LRP3: variants seen among roughly 807,000 people sequenced by gnomAD.
LRP3 encodes low-density lipoprotein receptor-related protein 3.
LRP3 carries 49 observed loss-of-function variants against 58.5 expected under a neutral mutation model. The ratio of observed to expected loss-of-function variants is 0.84; its 90% CI spans 0.67 to 1.06. The LOEUF (loss-of-function observed/expected upper bound fraction) is 1.06, where lower values mean the gene tolerates loss of function less well. Among genes scored for constraint, LRP3 ranks in the 50% least tolerant of loss-of-function variants. LRP3 has a pLI of 0.00. For synonymous variants in LRP3, 485 were observed against 492.2 expected, an observed-to-expected ratio of 0.99 and a Z score of 0.20; for missense variants, 1,019 against 1,134.2, an observed-to-expected ratio of 0.90 and a Z score of 1.46.
At chr19:33,195,052 G>T (rs1974271651) in intron 1 of LRP3, among the ~76,000 whole-genome samples, 194 bp downstream of exon 1, 1 of 151,908 alleles carries the variant, frequency 6.6e-6, no homozygotes, top group Non-Finnish European at 1.5e-5. Flanking sequence ...TGGTGGCGCA[G>T]CCCCGGCTCC....
At position 33,207,051 on chromosome 19, in the gene LRP3, C is replaced by T. The variant is rs888271095; in HGVS notation, c.1789C>T (p.Arg597Trp). Residue 597 changes from arginine to tryptophan, a missense_variant, in exon 7 of 7, where the codon CGG becomes TGG. By Grantham distance (101) the Arg-to-Trp change is moderately radical (BLOSUM62 -3). Transcript: ENST00000253193. ...ACAGATGCGTCGGCACGCCTCCCGC[C>T]GGGGGCCCTCCCGCCGCCGCCTCGG... ...RRQMRRHASR[R>W]GPSRRRLGRL... 46 of 1,486,820 alleles carry T rather than the reference C, an allele frequency of 3.1e-5. No individual in the cohort carries two copies. The highest frequency in any genetic ancestry group is 3.4e-5 in the Non-Finnish European group (38 of 1,124,578). The allele number at this position is 1,486,820 out of a possible 1,614,324, so 92.1% of individuals were successfully genotyped here.
At position 33,205,384 on chromosome 19, in the gene LRP3, C is replaced by T. The variant is rs1171033529; in HGVS notation, c.614C>T (p.Ser205Phe). 6.3e-7 allele frequency: 1 copy of T among 1,597,204 alleles called. No individual in the cohort carries two copies. The highest frequency in any genetic ancestry group is 8.5e-7 in the Non-Finnish European group (1 of 1,169,850). Reference sequence around the variant, plus strand: ...GAGGGCAACTGCTCGGCGCCCGCCTCCGAGCCTCCAGGCAGCCTGTGCCCC... The same window carrying T: ...GAGGGCAACTGCTCGGCGCCCGCCTTCGAGCCTCCAGGCAGCCTGTGCCCC... ...SDEGNCSAPA[S>F]EPPGSLCPGG... Residue 205 changes from serine (S) to phenylalanine (F), a missense_variant, in exon 5 of 7, where the codon TCC becomes TTC. Ser to Phe is a radical substitution (Grantham distance 155). Coordinates refer to ENST00000253193, the MANE Select transcript of LRP3 (RefSeq NM_002333.4).
intron 1 of LRP3, 132 bp from the exon 2 acceptor site, chr19:33,196,598 C>G (rs1974288150): frequency 1.3e-6 from 1 of 789,280 alleles, no homozygotes; most frequent in African/African-American, 1.7e-5. Context: ...GGGCTGCGCT[C>G]TGGGCCTTGC....
In LRP3 at chr19:33,207,893, TCTGCCCTGCAGTGGCAACAG is replaced by T; in HGVS notation, c.*325_*344del. ...AGGGGACCAGAGCCTTTTTGCTTCA[TCTGCCCTGCAGTGGCAACAG>T]CTGCCCCTAGAGCTGGGAGTTGTCA... On this transcript the variant is annotated 3_prime_UTR_variant, in exon 7 of 7. Transcript: ENST00000253193. 4.7e-6 allele frequency: 2 copies of T among 425,964 alleles called. No individual in the cohort carries two copies. Among genetic ancestry groups the T allele is most frequent in the Non-Finnish European group, 8.5e-6 (2 of 236,524 alleles). 26.4% of individuals were successfully genotyped at this position (425,964 alleles called of 1,614,324 possible).
chr19:33,206,483 C>T (rs775304937), intron 5 of LRP3, 118 bp from the exon 6 acceptor site: 4 of 1,592,030 alleles, frequency 2.5e-6, no homozygotes, highest in Non-Finnish European at 3.4e-6. Flanking sequence ...CCCTGGTGCA[C>T]ACTGGGGTCC....
intron 2 of LRP3, among the ~76,000 whole-genome samples, chr19:33,198,892 A>G (rs568167817): frequency 6.6e-6 from 1 of 152,210 alleles, no homozygotes; most frequent in Admixed American, 6.5e-5. Context: ...GTATTGATCA[A>G]CTTTGGAAAT....
In LRP3 at chr19:33,194,714, C is replaced by A; in HGVS notation, c.-72C>A. The A allele has an allele frequency of 2.2e-6, 1 of 459,004 alleles. No individual in the cohort carries two copies. The highest frequency in any genetic ancestry group is 2.9e-6 in the Non-Finnish European group (1 of 349,114). 28.4% of individuals were successfully genotyped at this position (459,004 alleles called of 1,614,324 possible). On this transcript the variant is annotated 5_prime_UTR_variant, in exon 1 of 7. Transcript: ENST00000253193. The stretch of plus-strand genomic sequence containing the variant: ...GCCCGAGCCGCAGCCAGAGCCAGAG[C>A]CGGAGCCGCAGCCGGAACCGGAGCC...
chr19:33,207,150 CCCTCACAGACCGTGCTGGGCGATGGCTT>C lies in LRP3; in HGVS notation c.1893_1920del (p.Gln632SerfsTer68), dbSNP rs778904160. The C allele has an allele frequency of 1.3e-6, 2 of 1,535,356 alleles. No individual in the cohort carries two copies. The highest frequency in any genetic ancestry group is 1.7e-6 in the Non-Finnish European group (2 of 1,144,726). On this transcript the variant is annotated frameshift_variant, in exon 7 of 7. Coordinates refer to ENST00000253193, the MANE Select transcript of LRP3 (RefSeq NM_002333.4). LOFTEE classifies it low-confidence loss of function (END_TRUNC). ...GATCCCACTGCTGACCGCAGCACGC[CCCTCACAGACCGTGCTGGGCGATGGCTT>C]CCTCCAGCCTGCTCCAGGGGCTGCC...
In LRP3 at chr19:33,202,905, C is replaced by T. The variant is rs752717936; in HGVS notation, c.179C>T (p.Pro60Leu). 8.1e-6 allele frequency: 13 copies of T among 1,611,296 alleles called. No homozygotes were observed. Among genetic ancestry groups the T allele is most frequent in the South Asian group, 1.1e-5 (1 of 90,620 alleles). Residue 60 changes from proline (P) to leucine (L), a missense_variant, in exon 3 of 7, where the codon CCG becomes CTG. Coordinates refer to ENST00000253193, the MANE Select transcript of LRP3 (RefSeq NM_002333.4). ...HTERRGVIYS[P>L]AWPLNYPPGT... Reference sequence around the variant, plus strand: ...GAGCGGCGTGGGGTCATCTACAGCCCGGCCTGGCCCCTCAACTACCCGCCA... The same window carrying T: ...GAGCGGCGTGGGGTCATCTACAGCCTGGCCTGGCCCCTCAACTACCCGCCA...
intron 2 of LRP3, among the ~76,000 whole-genome samples, chr19:33,202,366 C>T (rs1453906818): frequency 6.6e-6 from 1 of 152,206 alleles, no homozygotes; most frequent in Non-Finnish European, 1.5e-5. Context: ...AGTGTGCCTA[C>T]CATGCATGCT....
At position 33,207,279 on chromosome 19, in the gene LRP3, C is replaced by T. The variant is rs780437690; in HGVS notation, c.2017C>T (p.Arg673Cys). Residue 673 changes from arginine to cysteine, a missense_variant, in exon 7 of 7, where the codon CGT (arginine) becomes TGT (cysteine). By Grantham distance (180) the Arg-to-Cys change is radical. Coordinates refer to ENST00000253193, the MANE Select transcript of LRP3 (RefSeq NM_002333.4). ...AGDRPPSAPG[R>C]APEVGPSGPP... ...AGACAGGCCCCCCAGTGCCCCCGGC[C>T]GTGCACCGGAGGTGGGACCTTCAGG... 1.4e-5 allele frequency: 22 copies of T among 1,556,138 alleles called. No homozygotes were observed. Among genetic ancestry groups the T allele is most frequent in the African/African-American group, 8.1e-5 (6 of 74,136 alleles).
In LRP3 at chr19:33,205,826, C is replaced by A. The variant is rs750803723; in HGVS notation, c.1056C>A (p.Arg352=). 3.4e-5 allele frequency: 54 copies of A among 1,586,800 alleles called. No individual in the cohort carries two copies. The East Asian group carries it at 1.2e-3, about 36-fold the overall frequency. Residue 352 remains arginine (R), a synonymous_variant, in exon 5 of 7, where the codon CGC becomes CGA. Coordinates refer to ENST00000253193, the MANE Select transcript of LRP3 (RefSeq NM_002333.4). ...RLTVAYHARA[R]SAGHGFNATY... Reference sequence around the variant, plus strand: ...CTGTGGCCTACCACGCGCGCGCCCGCAGCGCCGGCCACGGCTTCAATGCCA... The same window carrying A: ...CTGTGGCCTACCACGCGCGCGCCCGAAGCGCCGGCCACGGCTTCAATGCCA...
intron 2 of LRP3, among the ~76,000 whole-genome samples, chr19:33,197,450 C>T (rs1427287544): frequency 6.6e-6 from 1 of 152,134 alleles, no homozygotes; most frequent in African/African-American, 2.4e-5. Flanking sequence ...CATAGTGAAA[C>T]TCCATCTCTA....
rs147251549 is a variant in LRP3, at chr19:33,206,312, C to G, written c.1542C>G (p.Ile514Met). 6.3e-7 allele frequency: 1 copy of G among 1,597,732 alleles called. No individual in the cohort carries two copies. The highest frequency in any genetic ancestry group is 1.3e-5 in the African/African-American group (1 of 74,714). ...TGGTGTGTGGCCTGCTGCTGGTCAT[C>G]GCGCTGGGCTGCGCCTTCAAGCTCT... ...GSLVCGLLLV[I>M]ALGCAFKLYS... Residue 514 changes from isoleucine (I) to methionine (M), a missense_variant, in exon 5 of 7, where the codon ATC becomes ATG. Coordinates refer to ENST00000253193, the MANE Select transcript of LRP3 (RefSeq NM_002333.4).
In LRP3 at chr19:33,205,236, C is replaced by T; in HGVS notation, c.476-10C>T. 6.2e-7 allele frequency: 1 copy of T among 1,603,950 alleles called. No individual in the cohort carries two copies. Among genetic ancestry groups the T allele is most frequent in the Non-Finnish European group, 8.5e-7 (1 of 1,175,950 alleles). The stretch of plus-strand genomic sequence containing the variant: ...TCCTGACTGTCCCCTGCTACGTCTC[C>T]ACCCCACAGGGAAGCTGGGCCAGGC... On this transcript the variant is annotated splice_polypyrimidine_tract_variant and intron_variant, in intron 4 of 6. Transcript: ENST00000253193.
At chr19:33,203,138 CAT>C (rs1214679830) in intron 3 of LRP3, 152 bp downstream of exon 3, 13 of 987,084 alleles carry the variant, frequency 1.3e-5, no homozygotes, top group East Asian at 1.1e-4. Flanking sequence ...TGTGTGTGAG[CAT>C]ATGAGTGAGG....
chr19:33,200,669 G>A (rs1391289011), intron 2 of LRP3, among the ~76,000 whole-genome samples: 1 of 152,196 alleles, frequency 6.6e-6, no homozygotes, highest in Non-Finnish European at 1.5e-5. Flanking sequence ...ATGTTTGGGT[G>A]GCTGCACCCT....
chr19:33,204,998 G>T, intron 4 of LRP3, 146 bp downstream of exon 4: 1 of 788,846 alleles, frequency 1.3e-6, no homozygotes, highest in East Asian at 2.7e-5. Context: ...CAGGACAGTG[G>T]CAGGACTGGG....
chr19:33,207,711 A>T lies in LRP3; in HGVS notation c.*136A>T. 1.5e-6 allele frequency: 1 copy of T among 674,762 alleles called. No homozygotes were observed. The highest frequency in any genetic ancestry group is 2.5e-6 in the Non-Finnish European group (1 of 398,384). 41.8% of individuals were successfully genotyped at this position (674,762 alleles called of 1,614,324 possible). ...CAGCGGAGGGGCTGGCCCCTAAGCCAGCTGGCTGCACTGGTGGGCGGGAGC... is the reference window on the plus strand; with the variant it reads ...CAGCGGAGGGGCTGGCCCCTAAGCCTGCTGGCTGCACTGGTGGGCGGGAGC... On this transcript the variant is annotated 3_prime_UTR_variant, in exon 7 of 7. Coordinates refer to ENST00000253193, the MANE Select transcript of LRP3 (RefSeq NM_002333.4).
Sources: allele counts gnomAD v4.1 joint callset (sites outside exome capture counted in the v4.1 genomes callset), GRCh38; gene constraint gnomAD v4.1.1; transcripts MANE v1.5; gene names NCBI Gene and HGNC (gene_info 2026-07-23, HGNC 2026-07-21).